The following LRCH1 variants were observed in gnomAD, a reference collection of about 807,000 sequenced individuals.
LRCH1 encodes leucine-rich repeat and calponin homology domain-containing protein 1.
Under a neutral mutation model 94.9 loss-of-function variants are expected in LRCH1, and 23 were observed. The observed-to-expected ratio is 0.24, with a 90% confidence interval of 0.17 to 0.34. LRCH1 has a LOEUF of 0.34. Among genes scored for constraint, LRCH1 ranks in the 10% least tolerant of loss-of-function variants. The pLI is 1.00. For synonymous variants in LRCH1, 364 were observed against 354.9 expected (o/e 1.03, Z -0.29); for missense variants, 790 against 945.9 (o/e 0.84, Z 2.16).
At chr13:46,721,126 A>G (rs901970802) in intron 16 of LRCH1, among the ~76,000 whole-genome samples, 1 of 152,232 alleles carries the variant, frequency 6.6e-6, no homozygotes, top group Non-Finnish European at 1.5e-5. Context: ...CGTTATCCTG[A>G]TATCTCACAT....
intron 1 of LRCH1, among the ~76,000 whole-genome samples, chr13:46,602,940 C>T (rs2050643757): frequency 6.7e-6 from 1 of 149,580 alleles, no homozygotes; most frequent in Admixed American, 6.7e-5. Context: ...CAGAGCAAGA[C>T]CCGGTCAACA....
intron 13 of LRCH1, chr13:46,705,573 G>T: frequency 3.4e-6 from 2 of 589,516 alleles, no homozygotes; most frequent in East Asian, 6.2e-5. Context: ...ATCTTGCTGA[G>T]TCAAGCGATG....
rs949791264 is a variant in LRCH1, at chr13:46,712,536, C to T, written c.1593C>T (p.Asn531=). 1 of 1,613,038 alleles carries T rather than the reference C, an allele frequency of 6.2e-7. No individual in the cohort carries two copies. ...SQYSPNEIRE[N]SPAVSPTTNS... ...TTCCAACACCACAGATTAGAGAGAA[C>T]TCCCCTGCAGTCTCTCCTACCACAA... The change falls in exon 15 of 20, where the codon AAC becomes AAT. Residue 531 remains asparagine, a synonymous_variant. Coordinates refer to ENST00000389797, the MANE Select transcript of LRCH1 (RefSeq NM_001164211.2).
chr13:46,582,917 A>G (rs865833929), intron 1 of LRCH1, among the ~76,000 whole-genome samples: 1 of 151,858 alleles, frequency 6.6e-6, no homozygotes, highest in South Asian at 2.1e-4. Flanking sequence ...TGCACCACAA[A>G]GACTTGCTCT....
chr13:46,733,903 GTATA>G lies in LRCH1; in HGVS notation c.2008-16_2008-13del. ...CTCTTTTAAATAATATATTATTTCC[GTATA>G]TTTGCATTTATAGCCCAAACTTAGC... On this transcript the variant is annotated splice_polypyrimidine_tract_variant and intron_variant, in intron 18 of 19. Coordinates refer to ENST00000389797, the MANE Select transcript of LRCH1 (RefSeq NM_001164211.2). 6 of 1,497,670 alleles carry G rather than the reference GTATA, an allele frequency of 4.0e-6. No individual in the cohort carries two copies. The highest frequency in any genetic ancestry group is 5.5e-6 in the Non-Finnish European group (6 of 1,094,076). 92.8% of individuals were successfully genotyped at this position (1,497,670 alleles called of 1,614,324 possible).
At chr13:46,569,630 G>A (rs1350341010) in intron 1 of LRCH1, among the ~76,000 whole-genome samples, 1 of 151,972 alleles carries the variant, frequency 6.6e-6, no homozygotes, top group East Asian at 1.9e-4. Context: ...GCCCACCGAG[G>A]CTCAGCTGCC....
chr13:46,618,842 G>T (rs1472424196), intron 1 of LRCH1, among the ~76,000 whole-genome samples: 1 of 152,114 alleles, frequency 6.6e-6, no homozygotes, highest in African/African-American at 2.4e-5. Flanking sequence ...AATTCTGTTG[G>T]TAGTCACTTA....
intron 1 of LRCH1, among the ~76,000 whole-genome samples, chr13:46,575,216 C>T (rs2050290113): frequency 6.6e-6 from 1 of 152,094 alleles, no homozygotes; most frequent in Non-Finnish European, 1.5e-5. Flanking sequence ...GCTGCTGGTC[C>T]CCTCTATCAT....
intron 1 of LRCH1, among the ~76,000 whole-genome samples, chr13:46,638,607 A>G (rs769954168): frequency 1.3e-5 from 2 of 152,212 alleles, no homozygotes; most frequent in Non-Finnish European, 2.9e-5. Flanking sequence ...AGGAGGATTC[A>G]TTTCTTTATG....
intron 1 of LRCH1, among the ~76,000 whole-genome samples, chr13:46,637,766 G>A (rs140307172): frequency 3.7e-4 from 56 of 151,616 alleles, no homozygotes; most frequent in Non-Finnish European, 7.2e-4. Flanking sequence ...GTAACATGCC[G>A]TATATTTTAC....
chr13:46,634,113 C>T (rs1430825690), intron 1 of LRCH1, among the ~76,000 whole-genome samples: 2 of 152,048 alleles, frequency 1.3e-5, no homozygotes, highest in African/African-American at 2.4e-5. Context: ...CTCCTGACCT[C>T]GTGATCTGCC....
At chr13:46,679,557 C>T (rs577283606) in intron 3 of LRCH1, among the ~76,000 whole-genome samples, 9 of 152,290 alleles carry the variant, frequency 5.9e-5, no homozygotes, top group Non-Finnish European at 1.2e-4. Context: ...ACGTTTTTGT[C>T]TCTGCAGATG....
At chr13:46,603,510 G>C (rs1208680645) in intron 1 of LRCH1, among the ~76,000 whole-genome samples, 1 of 152,186 alleles carries the variant, frequency 6.6e-6, no homozygotes, top group Non-Finnish European at 1.5e-5. Flanking sequence ...GTGGACAACA[G>C]GGGGAGCTAA....
chr13:46,567,194 A>G (rs2050193581), intron 1 of LRCH1, among the ~76,000 whole-genome samples: 1 of 152,234 alleles, frequency 6.6e-6, no homozygotes, highest in Admixed American at 6.5e-5. Flanking sequence ...CATTACCTAT[A>G]GAATACAAAT....
At chr13:46,558,507 G>A (rs1421776028) in intron 1 of LRCH1, among the ~76,000 whole-genome samples, 3 of 146,942 alleles carry the variant, frequency 2.0e-5, no homozygotes, top group African/African-American at 7.7e-5. Flanking sequence ...AGGCTGAGGC[G>A]GGTGGATCAC....
intron 1 of LRCH1, among the ~76,000 whole-genome samples, chr13:46,629,036 A>G (rs980045876): frequency 2.1e-4 from 32 of 152,196 alleles, no homozygotes; most frequent in African/African-American, 6.5e-4. Context: ...GTGGTCTGCC[A>G]AGTCTCCCTG....
At chr13:46,605,451 A>G (rs1433827560) in intron 1 of LRCH1, among the ~76,000 whole-genome samples, 2 of 152,054 alleles carry the variant, frequency 1.3e-5, no homozygotes, top group African/African-American at 4.8e-5. Context: ...AAAATTCCGG[A>G]TTATTTTCTG....
chr13:46,732,052 C>T (rs1298675825), intron 18 of LRCH1, among the ~76,000 whole-genome samples: 1 of 152,092 alleles, frequency 6.6e-6, no homozygotes, highest in Non-Finnish European at 1.5e-5. Context: ...GTCTTTGGCT[C>T]CACAGTTGTA....
At chr13:46,602,554 G>A (rs2050638840) in intron 1 of LRCH1, among the ~76,000 whole-genome samples, 1 of 152,194 alleles carries the variant, frequency 6.6e-6, no homozygotes, top group African/African-American at 2.4e-5. Flanking sequence ...GGGACGTGGT[G>A]AGGCTTGACT....
Sources: gnomAD v4.1 joint callset for allele counts (sites outside exome capture counted in the v4.1 genomes callset) on GRCh38, gnomAD v4.1.1 for gene constraint, MANE v1.5 for transcripts, NCBI Gene and HGNC (gene_info 2026-07-23, HGNC 2026-07-21) for gene names.